Variants in SESTD1 observed in about 807,000 individuals in gnomAD.
SESTD1 encodes SEC14 and spectrin domain containing 1.
Under a neutral mutation model 101.7 loss-of-function variants are expected in SESTD1, and 43 were observed. The observed-to-expected ratio is 0.42, with a 90% CI of 0.33 to 0.55. SESTD1 has a LOEUF of 0.55. Ranked by LOEUF, SESTD1 falls within the 20% of genes least tolerant of loss-of-function variation. The probability of loss-of-function intolerance (pLI) is 0.07; values close to 1 mark genes in which losing one functional copy is unlikely to be tolerated. For synonymous variants in SESTD1, 283 were observed against 286.8 expected (o/e 0.99, Z 0.13); for missense variants, 647 against 815.1 (o/e 0.79, Z 2.51).
At chr2:179,149,275 T>A in intron 7 of SESTD1, 22 bp downstream of exon 7, 4 of 1,540,668 alleles carry the variant, frequency 2.6e-6, no homozygotes, top group Middle Eastern at 1.7e-4. Context: ...AAGGATATAA[T>A]TGCATGCCAC....
At chr2:179,253,558 C>T (rs1315874946) in intron 1 of SESTD1, among the ~76,000 whole-genome samples, 2 of 152,128 alleles carry the variant, frequency 1.3e-5, no homozygotes, top group East Asian at 3.9e-4. Context: ...AAGATGAAAG[C>T]TTTTAATGTA....
intron 1 of SESTD1, among the ~76,000 whole-genome samples, chr2:179,198,647 AAT>A (rs1405691485): frequency 5.9e-5 from 9 of 151,922 alleles, no homozygotes; most frequent in Non-Finnish European, 1.0e-4. Flanking sequence ...CAGGATTAAG[AAT>A]CTCACTCAAA....
intron 1 of SESTD1, among the ~76,000 whole-genome samples, chr2:179,211,754 G>C (rs1302187822): frequency 7.5e-6 from 1 of 133,580 alleles, no homozygotes; most frequent in Non-Finnish European, 1.6e-5. Context: ...ATGTAACTCA[G>C]GAATGGAAAA....
In SESTD1 at chr2:179,143,772, A is replaced by G; in HGVS notation, c.669T>C (p.Arg223=). The G allele has an allele frequency of 6.2e-7, 1 of 1,613,900 alleles. No homozygotes were observed. Among genetic ancestry groups the G allele is most frequent in the Admixed American group, 1.7e-5 (1 of 60,022 alleles). The part of the protein sequence containing the change: ...GHELLSELQQ[R]RFNGSDGGVS... ...CCCCTCCGTCTGAGCCATTAAATCG[A>G]CGCTGCTGTAATTCGGACAACAATT... is the stretch of plus-strand genomic sequence containing the variant. Residue 223 remains arginine, a synonymous_variant, in exon 9 of 18, where the codon CGT becomes CGC. Transcript: ENST00000428443.
intron 1 of SESTD1, among the ~76,000 whole-genome samples, chr2:179,256,070 CACCTGGTCA>C (rs2047388954): frequency 6.6e-6 from 1 of 152,012 alleles, no homozygotes; most frequent in Non-Finnish European, 1.5e-5. Flanking sequence ...ATTGGCAATG[CACCTGGTCA>C]TCCAAGAACT....
intron 1 of SESTD1, among the ~76,000 whole-genome samples, chr2:179,245,863 T>C (rs912901250): frequency 6.6e-6 from 1 of 152,044 alleles, no homozygotes; most frequent in African/African-American, 2.4e-5. Context: ...TAGAGTAGAT[T>C]AAAAAACATC....
In SESTD1 at chr2:179,114,496, T is replaced by C. The variant is rs535261959; in HGVS notation, c.1839+569A>G. Among the ~76,000 whole-genome samples, 12 of 152,350 alleles carry C rather than the reference T, an allele frequency of 7.9e-5. No homozygotes were observed. The East Asian group carries it at 2.3e-3, about 29-fold the overall frequency. On this transcript the variant is annotated intron_variant, in intron 16 of 17. Transcript: ENST00000428443. ...TATGAAGAGTAAGAAAAAAGTTCTA[T>C]TGAAAATGTGTCCAAATAACCCTGC...
intron 1 of SESTD1, among the ~76,000 whole-genome samples, chr2:179,263,731 C>A (rs571085439): frequency 3.5e-4 from 54 of 152,308 alleles, no homozygotes; most frequent in Non-Finnish European, 6.2e-4. Flanking sequence ...AGGGTGAAAT[C>A]CCACCCGTAC....
intron 10 of SESTD1, among the ~76,000 whole-genome samples, chr2:179,128,440 G>A (rs902836208): frequency 3.3e-5 from 5 of 152,006 alleles, no homozygotes; most frequent in African/African-American, 1.2e-4. Context: ...CTAAAAAACG[G>A]GTATGTACGG....
At chr2:179,216,685 C>A (rs914274842) in intron 1 of SESTD1, among the ~76,000 whole-genome samples, 2 of 134,716 alleles carry the variant, frequency 1.5e-5, no homozygotes, top group Admixed American at 1.4e-4. Flanking sequence ...GACAATCCTA[C>A]GCAAAAAGAA....
rs747387843 is a variant in SESTD1, at chr2:179,112,850, A to C, written c.1840-5T>G. 6 of 1,606,710 alleles carry C rather than the reference A, an allele frequency of 3.7e-6. No homozygotes were observed. In the South Asian group the frequency reaches 5.6e-5, roughly 15 times the overall value. On this transcript the variant is annotated splice_region_variant and splice_polypyrimidine_tract_variant and intron_variant, in intron 16 of 17. Transcript: ENST00000428443. The stretch of plus-strand genomic sequence containing the variant: ...TTCTGGACAGTCCTGCAAAATCTGC[A>C]ACAAATAAAAGAGCAACATCAATCA...
At chr2:179,113,262 G>A (rs372864139) in intron 16 of SESTD1, among the ~76,000 whole-genome samples, 2 of 152,258 alleles carry the variant, frequency 1.3e-5, no homozygotes, top group African/African-American at 4.8e-5. Context: ...TATAGACTGT[G>A]TTCTCAAAGA....
At chr2:179,176,154 C>A (rs1185150471) in intron 4 of SESTD1, among the ~76,000 whole-genome samples, 4 of 152,212 alleles carry the variant, frequency 2.6e-5, no homozygotes, top group Non-Finnish European at 5.9e-5. Flanking sequence ...TGAGTCTCAT[C>A]ATTTCAATGC....
chr2:179,248,675 T>C (rs1250081671), intron 1 of SESTD1, among the ~76,000 whole-genome samples: 2 of 151,744 alleles, frequency 1.3e-5, no homozygotes, highest in South Asian at 4.1e-4. Flanking sequence ...AAGAAACCTC[T>C]TAGAAAAATA....
Position 179,104,174 on chromosome 2 carries a change from GAAGT to G in SESTD1, c.*5721_*5724del, listed in dbSNP as rs1202097819. 2 of 152,098 alleles carry G rather than the reference GAAGT, an allele frequency of 1.3e-5. No homozygotes were observed. The highest frequency in any genetic ancestry group is 2.4e-5 in the African/African-American group (1 of 41,422). The allele number at this position is 152,098 out of a possible 1,614,324, so 9.4% of individuals were successfully genotyped here. ...TCAAATTCTTCTAAGTGTCCATTGA[GAAGT>G]AAGTTTCTCTTAAAGGCTTCTGAGA... On this transcript the variant is annotated 3_prime_UTR_variant, in exon 18 of 18. Transcript: ENST00000428443.
At chr2:179,189,621 G>A (rs531444638) in intron 2 of SESTD1, among the ~76,000 whole-genome samples, 1 of 152,146 alleles carries the variant, frequency 6.6e-6, no homozygotes, top group African/African-American at 2.4e-5. Flanking sequence ...GAAAAAGGAG[G>A]AGTCAAATTA....
chr2:179,178,194 G>A (rs2046044970), intron 3 of SESTD1, among the ~76,000 whole-genome samples: 1 of 152,182 alleles, frequency 6.6e-6, no homozygotes, highest in African/African-American at 2.4e-5. Flanking sequence ...TTTGTGACAT[G>A]TGAATTATAT....
intron 1 of SESTD1, among the ~76,000 whole-genome samples, chr2:179,260,733 T>C (rs1469376481): frequency 2.0e-5 from 3 of 152,218 alleles, no homozygotes; most frequent in Non-Finnish European, 4.4e-5. Flanking sequence ...ATATTAGATT[T>C]ATCCTTTGTA....
At chr2:179,241,186 G>A (rs1355894833) in intron 1 of SESTD1, among the ~76,000 whole-genome samples, 1 of 152,164 alleles carries the variant, frequency 6.6e-6, no homozygotes, top group Non-Finnish European at 1.5e-5. Context: ...ACAGGTGGAA[G>A]AACAAATGAA....
Sources: gnomAD v4.1 joint callset for allele counts (sites outside exome capture counted in the v4.1 genomes callset) on GRCh38, gnomAD v4.1.1 for gene constraint, MANE v1.5 for transcripts, NCBI Gene and HGNC (gene_info 2026-07-23, HGNC 2026-07-21) for gene names.